The following ELF4 variants were observed in gnomAD, a reference collection of about 807,000 sequenced individuals.
ELF4 encodes E74 like ETS transcription factor 4, also known as ETS-related transcription factor Elf-4.
A neutral mutation model predicts 31.7 loss-of-function variants in ELF4; 10 were observed. The ratio of observed to expected loss-of-function variants is 0.32; its 90% CI spans 0.19 to 0.54. The LOEUF is 0.54. Ranked by LOEUF, ELF4 falls within the 20% of genes least tolerant of loss-of-function variation. The pLI is 0.95. For synonymous variants in ELF4, 208 were observed against 226.7 expected (o/e 0.92, Z 0.74); for missense variants, 418 against 522.0 (o/e 0.80, Z 1.94).
At position 130,074,741 on chromosome X, in the gene ELF4, G is replaced by A; in HGVS notation, c.87C>T (p.Pro29=). The A allele has an allele frequency of 8.3e-7, 1 of 1,211,533 alleles. No homozygotes were observed. The highest frequency in any genetic ancestry group is 1.1e-6 in the Non-Finnish European group (1 of 895,463). ...CCACGATCACAGCTGGGAACACAGA[G>A]GGGTCTTCCAGCTATGGAGAAGACA... ...MDDDIHQLED[P]SVFPAVIVEQ... is the part of the protein sequence containing the mutation. Residue 29 remains proline (P), a synonymous_variant, in exon 3 of 9, where the codon CCC becomes CCT. Transcript: ENST00000308167.
chrX:130,069,648 T>G lies in ELF4; in HGVS notation c.839A>C (p.Lys280Thr). ...RYYYQRGILAKVEGQRLVYQF... is the reference protein window; with the variant it reads ...RYYYQRGILATVEGQRLVYQF... ...GTACACCAGCCTCTGCCCTTCCACT[T>G]TGGCCAGTATGCCTCTTTGGTAGTA... is the stretch of plus-strand genomic sequence containing the variant. Residue 280 changes from lysine (K) to threonine (T), a missense_variant, in exon 8 of 9, where the codon AAA becomes ACA. Coordinates refer to ENST00000308167, the MANE Select transcript of ELF4 (RefSeq NM_001421.4). 1 of 1,212,135 alleles carries G rather than the reference T, an allele frequency of 8.2e-7. No homozygotes were observed. The highest frequency in any genetic ancestry group is 1.1e-6 in the Non-Finnish European group (1 of 895,593).
chrX:130,099,826 C>T (rs1315510082), intron 1 of ELF4, among the ~76,000 whole-genome samples: 1 of 110,592 alleles, frequency 9.0e-6, no homozygotes, highest in African/African-American at 3.3e-5. Context: ...TTACTAGAGA[C>T]GGGTTTTGCC....
chrX:130,080,939 C>T (rs887422910), intron 2 of ELF4, among the ~76,000 whole-genome samples: 1 of 112,612 alleles, frequency 8.9e-6, no homozygotes, highest in Non-Finnish European at 1.9e-5. Flanking sequence ...ACCCCTTATG[C>T]GTTTGGTCCA....
intron 7 of ELF4, among the ~76,000 whole-genome samples, chrX:130,070,099 T>A (rs1270713607): frequency 9.0e-6 from 1 of 111,253 alleles, no homozygotes; most frequent in Non-Finnish European, 1.9e-5. Context: ...AAGAAAGCCC[T>A]TCTTGGGGAA....
At chrX:130,079,715 C>T (rs1416667392) in intron 2 of ELF4, among the ~76,000 whole-genome samples, 1 of 110,996 alleles carries the variant, frequency 9.0e-6, no homozygotes, top group African/African-American at 3.3e-5. Context: ...AGAGGCTGTC[C>T]GCTGAGGGTG....
In ELF4 at chrX:130,067,116, C is replaced by T; in HGVS notation, c.1597G>A (p.Ala533Thr). The change falls in exon 9 of 9, where the codon GCC (alanine) becomes ACC (threonine). Residue 533 changes from alanine to threonine, a missense_variant. Coordinates refer to ENST00000308167, the MANE Select transcript of ELF4 (RefSeq NM_001421.4). ...AFIRTSGTTAAPRVKEGPLRS... is the reference protein window; with the variant it reads ...AFIRTSGTTATPRVKEGPLRS... ...AGTGGCCCCTCCTTGACCCTAGGGGCTGCTGTAGTGCCAGAAGTCCTGATG... is the reference window on the plus strand; with the variant it reads ...AGTGGCCCCTCCTTGACCCTAGGGGTTGCTGTAGTGCCAGAAGTCCTGATG... The T allele has an allele frequency of 8.3e-7, 1 of 1,202,064 alleles. No individual in the cohort carries two copies. The highest frequency in any genetic ancestry group is 1.8e-5 in the South Asian group (1 of 55,849).
chrX:130,101,798 T>TC (rs1418035208), intron 1 of ELF4, among the ~76,000 whole-genome samples: 8 of 72,739 alleles, frequency 1.1e-4, no homozygotes, highest in African/African-American at 6.1e-4. Context: ...AAACTCCGTC[T>TC]CAAAAAACAA....
chrX:130,108,139 C>T (rs1227864500), intron 1 of ELF4, among the ~76,000 whole-genome samples: 17 of 109,397 alleles, frequency 1.6e-4, no homozygotes, highest in African/African-American at 4.3e-4. Context: ...ACCTGGGAGG[C>T]GGAGGTTGCG....
intron 4 of ELF4, 111 bp downstream of exon 4, chrX:130,073,938 G>A: frequency 2.6e-6 from 2 of 761,445 alleles, no homozygotes; most frequent in Non-Finnish European, 4.1e-6. Context: ...GGTGGGTGTG[G>A]TGCATGTATA....
intron 1 of ELF4, among the ~76,000 whole-genome samples, chrX:130,102,916 A>G (rs920928670): frequency 8.0e-4 from 83 of 103,909 alleles, no homozygotes; most frequent in African/African-American, 2.7e-3. Context: ...GAAAGAAAGA[A>G]AGAAAGAGAG....
intron 2 of ELF4, among the ~76,000 whole-genome samples, chrX:130,075,299 C>T (rs1195568188): frequency 5.9e-5 from 5 of 84,811 alleles, no homozygotes; most frequent in East Asian, 3.9e-4. Flanking sequence ...TTTTTTGAGA[C>T]GGAGTCTCAC....
In ELF4 at chrX:130,081,243, T is replaced by C. The variant is rs371359824; in HGVS notation, c.75+13A>G. ...CACAGGGGCTAACTGTGCTCTGTTC[T>C]CTGGGGCCATACCTGGTGGATATCA... On this transcript the variant is annotated intron_variant, in intron 2 of 8. Coordinates refer to ENST00000308167, the MANE Select transcript of ELF4 (RefSeq NM_001421.4). The C allele has an allele frequency of 2.6e-4, 309 of 1,210,030 alleles. No homozygotes were observed. The highest frequency in any genetic ancestry group is 3.3e-4 in the Non-Finnish European group (291 of 894,799).
At chrX:130,077,295 ATT>A (rs112465014) in intron 2 of ELF4, among the ~76,000 whole-genome samples, 214 of 98,411 alleles carry the variant, frequency 2.2e-3, no homozygotes, top group African/African-American at 7.6e-3. Context: ...ATTCCAGAGA[ATT>A]TTTTTTTTTT....
chrX:130,095,072 T>C (rs1933126479), intron 1 of ELF4, among the ~76,000 whole-genome samples: 1 of 111,282 alleles, frequency 9.0e-6, no homozygotes, highest in South Asian at 3.7e-4. Flanking sequence ...GATTTTCTTT[T>C]GCGCTCTCTG....
At chrX:130,106,601 C>T (rs1367525940) in intron 1 of ELF4, among the ~76,000 whole-genome samples, 1 of 111,688 alleles carries the variant, frequency 9.0e-6, no homozygotes, top group Non-Finnish European at 1.9e-5. Context: ...ATGAGAAAAG[C>T]CCCTGACCCC....
intron 1 of ELF4, among the ~76,000 whole-genome samples, chrX:130,082,188 G>C (rs1932896032): frequency 9.1e-6 from 1 of 110,196 alleles, no homozygotes. Context: ...CTGCCTCGCT[G>C]TGGGGGTTGT....
chrX:130,066,905 C>G lies in ELF4; in HGVS notation c.1808G>C (p.Ser603Thr). ...LLGNQTLSPP[S>T]RPTVGLTPVA... ...TGGGGTCAGCCCAACAGTGGGGCGG[C>G]TGGGAGGAGACAAAGTCTGGTTGCC... Residue 603 changes from serine to threonine, a missense_variant, in exon 9 of 9, where the codon AGC becomes ACC. Coordinates refer to ENST00000308167, the MANE Select transcript of ELF4 (RefSeq NM_001421.4). The G allele has an allele frequency of 8.3e-7, 1 of 1,211,966 alleles. No individual in the cohort carries two copies. Among genetic ancestry groups the G allele is most frequent in the South Asian group, 1.8e-5 (1 of 56,997 alleles).
chrX:130,076,875 C>CT (rs964538213), intron 2 of ELF4, among the ~76,000 whole-genome samples: 7 of 109,551 alleles, frequency 6.4e-5, no homozygotes, highest in Non-Finnish European at 1.1e-4. Flanking sequence ...GATGATAATT[C>CT]TTTTTTTTTC....
At chrX:130,078,711 C>T (rs1032645762) in intron 2 of ELF4, among the ~76,000 whole-genome samples, 3 of 107,304 alleles carry the variant, frequency 2.8e-5, no homozygotes, top group South Asian at 4.2e-4. Flanking sequence ...GAGCCGAGAT[C>T]GTGCCATTGC....
Sources: allele counts gnomAD v4.1 joint callset (sites outside exome capture counted in the v4.1 genomes callset), GRCh38; gene constraint gnomAD v4.1.1; transcripts MANE v1.5; gene names NCBI Gene and HGNC (gene_info 2026-07-23, HGNC 2026-07-21).